Variants in USP13 observed in about 807,000 individuals in gnomAD.
The protein encoded by USP13 is ubiquitin carboxyl-terminal hydrolase 13.
A neutral mutation model predicts 107.8 loss-of-function variants in USP13; 68 were observed. That is an observed-to-expected ratio of 0.63 (90% CI 0.52 to 0.77). The LOEUF (loss-of-function observed/expected upper bound fraction) is 0.77. Among genes scored for constraint, USP13 ranks in the 30% least tolerant of loss-of-function variants. The pLI is 0.00. For missense variants in USP13, 945 were observed against 1,093.3 expected, an observed-to-expected ratio of 0.86 and a Z score of 1.91; for synonymous variants, 377 against 389.5, an observed-to-expected ratio of 0.97 and a Z score of 0.38.
chr3:179,728,403 T>A (rs1402608937), intron 8 of USP13, among the ~76,000 whole-genome samples: 2 of 144,230 alleles, frequency 1.4e-5, no homozygotes, highest in East Asian at 4.3e-4. Context: ...GCAGAGACGC[T>A]CCTCACTTCC....
intron 4 of USP13, among the ~76,000 whole-genome samples, chr3:179,703,156 A>T (rs1424168340): frequency 6.6e-6 from 1 of 152,226 alleles, no homozygotes; most frequent in Non-Finnish European, 1.5e-5. Context: ...GAATGAAAAA[A>T]GAAGAGAGAA....
At chr3:179,710,974 G>T (rs1184423692) in intron 6 of USP13, among the ~76,000 whole-genome samples, 1 of 152,202 alleles carries the variant, frequency 6.6e-6, no homozygotes. Flanking sequence ...GTTGCTCTGG[G>T]TGAGTCAGTG....
At chr3:179,756,425 CAA>C (rs1714800895) in intron 15 of USP13, among the ~76,000 whole-genome samples, 1 of 78,270 alleles carries the variant, frequency 1.3e-5, no homozygotes, top group African/African-American at 5.5e-5. Flanking sequence ...AACAAACAAA[CAA>C]ACAAACAAAC....
chr3:179,691,421 A>T (rs1712114073), intron 3 of USP13, among the ~76,000 whole-genome samples: 1 of 152,138 alleles, frequency 6.6e-6, no homozygotes, highest in Admixed American at 6.5e-5. Flanking sequence ...TATTTTGTAG[A>T]CTAGACCTCA....
chr3:179,703,354 T>C (rs1712600726), intron 4 of USP13, among the ~76,000 whole-genome samples: 1 of 152,224 alleles, frequency 6.6e-6, no homozygotes, highest in South Asian at 2.1e-4. Flanking sequence ...GCTCAAACCA[T>C]CTAACCAGGT....
At chr3:179,783,621 A>G (rs370403009) in intron 20 of USP13, among the ~76,000 whole-genome samples, 219 of 152,342 alleles carry the variant, frequency 1.4e-3, no homozygotes, top group African/African-American at 5.0e-3. Flanking sequence ...ATGGATTTCT[A>G]TAAAGGGAGT....
At chr3:179,699,909 G>A (rs749321801) in intron 3 of USP13, among the ~76,000 whole-genome samples, 7 of 151,904 alleles carry the variant, frequency 4.6e-5, no homozygotes, top group Non-Finnish European at 8.8e-5. Context: ...TGGTTCTCAG[G>A]TGGGTGCTCC....
rs148417265 is a variant in USP13, at chr3:179,722,091, T to C, written c.1088+502T>C. 3.5e-3 allele frequency among the ~76,000 whole-genome samples: 533 copies of C among 151,064 alleles called. 4 individuals are homozygous for C. Among genetic ancestry groups the C allele is most frequent in the African/African-American group, 0.013 (516 of 41,210 alleles). Reference sequence around the variant, plus strand: ...AAAAAAAAAAAAAAAAAGAGCTTCGTAAACTCAAAAACACCATACAAGGGT... The same window carrying C: ...AAAAAAAAAAAAAAAAAGAGCTTCGCAAACTCAAAAACACCATACAAGGGT... On this transcript the variant is annotated intron_variant, in intron 8 of 20. Coordinates refer to ENST00000263966, the MANE Select transcript of USP13 (RefSeq NM_003940.3).
At chr3:179,677,095 T>G (rs1711506155) in intron 1 of USP13, among the ~76,000 whole-genome samples, 1 of 151,822 alleles carries the variant, frequency 6.6e-6, no homozygotes, top group Non-Finnish European at 1.5e-5. Context: ...TGACCTCAAA[T>G]GATCCACCTG....
In USP13 at chr3:179,689,897, A is replaced by G. The variant is rs147334142; in HGVS notation, c.295-344A>G. Among the ~76,000 whole-genome samples the G allele has an allele frequency of 9.1e-4, 139 of 152,328 alleles. 1 individual carries two copies. The highest frequency in any genetic ancestry group is 3.3e-3 in the African/African-American group (138 of 41,562). Reference sequence around the variant, plus strand: ...GATCCTCACCTTCTGGAGCCCCATCATCTTTCCTGAGTTTTTCAATGTCAG... The same window carrying G: ...GATCCTCACCTTCTGGAGCCCCATCGTCTTTCCTGAGTTTTTCAATGTCAG... On this transcript the variant is annotated intron_variant, in intron 2 of 20. Transcript: ENST00000263966.
At chr3:179,688,955 TA>T (rs1475742937) in intron 2 of USP13, among the ~76,000 whole-genome samples, 2 of 152,238 alleles carry the variant, frequency 1.3e-5, no homozygotes, top group African/African-American at 2.4e-5. Context: ...AAGTGTTCTG[TA>T]ATGCAGATTC....
Position 179,701,076 on chromosome 3 carries a change from TTCC to T in USP13, c.425_427del (p.Phe142_Pro143delinsSer), listed in dbSNP as rs1712499517. ...TGAAGATGAAGCCAAACTTGTTATA[TTCC>T]CAGATCACTATGAAATAGCACTACC... On this transcript the variant is annotated inframe_deletion, in exon 4 of 21. Coordinates refer to ENST00000263966, the MANE Select transcript of USP13 (RefSeq NM_003940.3). 1.2e-6 allele frequency: 2 copies of T among 1,614,104 alleles called. No homozygotes were observed. The highest frequency in any genetic ancestry group is 4.5e-5 in the East Asian group (2 of 44,890).
intron 8 of USP13, among the ~76,000 whole-genome samples, chr3:179,728,262 A>G (rs1318425151): frequency 1.4e-5 from 2 of 147,096 alleles, no homozygotes; most frequent in African/African-American, 5.1e-5. Flanking sequence ...CTCACTTCCC[A>G]GACGGGGCAG....
chr3:179,701,528 T>A (rs1284099799), intron 4 of USP13, among the ~76,000 whole-genome samples: 1 of 152,222 alleles, frequency 6.6e-6, no homozygotes, highest in Non-Finnish European at 1.5e-5. Context: ...CTTTTTATCA[T>A]GTTTATTATG....
intron 20 of USP13, among the ~76,000 whole-genome samples, chr3:179,783,634 T>C (rs934494994): frequency 1.3e-5 from 2 of 152,220 alleles, no homozygotes; most frequent in African/African-American, 2.4e-5. Context: ...AAGGGAGTTA[T>C]GGGATCAAAG....
At chr3:179,706,449 CA>C (rs1266770841) in intron 4 of USP13, among the ~76,000 whole-genome samples, 2 of 152,108 alleles carry the variant, frequency 1.3e-5, no homozygotes, top group Non-Finnish European at 2.9e-5. Flanking sequence ...ACATTTGCAC[CA>C]GATTAAGAAA....
At chr3:179,734,041 C>T (rs1225358539) in intron 10 of USP13, among the ~76,000 whole-genome samples, 1 of 152,200 alleles carries the variant, frequency 6.6e-6, no homozygotes, top group Admixed American at 6.5e-5. Flanking sequence ...TTGAAGTTTG[C>T]AGAATTACCA....
rs563278360 is a variant in USP13 at position 179,681,792 on chromosome 3, G to A, written c.169-86G>A. ...CCCTTTGCCAGGCCTCGTCTTCAGC[G>A]TTTGCCTTCCTTCCCTTTCCCTCTT... On this transcript the variant is annotated intron_variant, in intron 1 of 20. Coordinates refer to ENST00000263966, the MANE Select transcript of USP13 (RefSeq NM_003940.3). The A allele has an allele frequency of 3.5e-5, 53 of 1,502,734 alleles. No homozygotes were observed. In the African/African-American group the frequency reaches 7.1e-4, roughly 20 times the overall value. The allele number at this position is 1,502,734 out of a possible 1,614,324, so 93.1% of individuals were successfully genotyped here. A position where few individuals can be genotyped will look rare whatever the true frequency, so the allele number is the denominator to read the frequency against.
intron 1 of USP13, among the ~76,000 whole-genome samples, chr3:179,659,273 T>C (rs577522499): frequency 6.5e-4 from 99 of 152,328 alleles, no homozygotes; most frequent in African/African-American, 2.2e-3. Context: ...CAGTGAATCC[T>C]CTGTCTTTCT....
Sources: gnomAD v4.1 joint callset for allele counts (sites outside exome capture counted in the v4.1 genomes callset) on GRCh38, gnomAD v4.1.1 for gene constraint, MANE v1.5 for transcripts, NCBI Gene and HGNC (gene_info 2026-07-23, HGNC 2026-07-21) for gene names.